The following CWC27 variants were observed in gnomAD, a reference collection of about 807,000 sequenced individuals.
The protein encoded by CWC27 is CWC27 spliceosome associated cyclophilin, also known as spliceosome-associated protein CWC27 homolog.
In CWC27, 47 loss-of-function variants were observed where a neutral mutation model predicts 63.6. The ratio of observed to expected loss-of-function variants is 0.74; its 90% CI spans 0.58 to 0.94. CWC27 has a LOEUF of 0.94. Ranked by LOEUF, CWC27 falls within the 40% of genes least tolerant of loss-of-function variation. The probability of loss-of-function intolerance (pLI) is 0.00; values close to 1 mark genes in which losing one functional copy is unlikely to be tolerated. For synonymous variants in CWC27, 175 were observed against 179.8 expected (o/e 0.97, Z 0.22); for missense variants, 495 against 554.3 (o/e 0.89, Z 1.07).
intron 10 of CWC27, among the ~76,000 whole-genome samples, chr5:64,858,276 G>A (rs1321211265): frequency 2.8e-4 from 42 of 149,614 alleles, no homozygotes; most frequent in Admixed American, 2.3e-3. Context: ...TGGCTAACAC[G>A]GTGAAACCCC....
chr5:64,970,894 A>G (rs1028478798), intron 11 of CWC27, among the ~76,000 whole-genome samples: 2 of 151,908 alleles, frequency 1.3e-5, no homozygotes, highest in East Asian at 1.9e-4. Context: ...GATTACTAGC[A>G]TTCTTGATTA....
At chr5:64,949,026 C>T (rs1370811421) in intron 11 of CWC27, among the ~76,000 whole-genome samples, 3 of 151,896 alleles carry the variant, frequency 2.0e-5, no homozygotes, top group Admixed American at 2.0e-4. Context: ...GTAGATGTGT[C>T]TAAGGGCATA....
intron 13 of CWC27, among the ~76,000 whole-genome samples, chr5:64,977,534 T>A (rs1561177060): frequency 6.6e-6 from 1 of 152,174 alleles, no homozygotes; most frequent in African/African-American, 2.4e-5. Flanking sequence ...TTTCTAATAT[T>A]GTGGAAAAGA....
intron 13 of CWC27, among the ~76,000 whole-genome samples, chr5:65,007,026 A>G (rs866055725): frequency 2.0e-5 from 3 of 148,150 alleles, no homozygotes; most frequent in Non-Finnish European, 3.0e-5. Flanking sequence ...AAGAAAGAAA[A>G]GAAAGAAAGG....
intron 10 of CWC27, among the ~76,000 whole-genome samples, chr5:64,853,851 C>T (rs928014728): frequency 6.6e-6 from 1 of 152,212 alleles, no homozygotes; most frequent in African/African-American, 2.4e-5. Context: ...AACATCCAAA[C>T]TATATCAACG....
At chr5:64,816,871 A>G (rs1444460194) in intron 10 of CWC27, among the ~76,000 whole-genome samples, 1 of 152,032 alleles carries the variant, frequency 6.6e-6, no homozygotes, top group Non-Finnish European at 1.5e-5. Context: ...CCTGGAAGAG[A>G]GTCATATCAC....
At chr5:64,960,380 T>G (rs1748885294) in intron 11 of CWC27, among the ~76,000 whole-genome samples, 1 of 152,180 alleles carries the variant, frequency 6.6e-6, no homozygotes, top group Admixed American at 6.5e-5. Flanking sequence ...GTTCATAACA[T>G]ATTTTCCTGA....
At chr5:64,913,978 G>C (rs540233818) in intron 11 of CWC27, among the ~76,000 whole-genome samples, 8 of 152,178 alleles carry the variant, frequency 5.3e-5, no homozygotes, top group African/African-American at 1.9e-4. Context: ...TTGATATGAT[G>C]ACTGACAAAT....
intron 11 of CWC27, among the ~76,000 whole-genome samples, chr5:64,891,850 A>G (rs1386158940): frequency 6.6e-6 from 1 of 151,804 alleles, no homozygotes; most frequent in Non-Finnish European, 1.5e-5. Context: ...GTTGGAGTGC[A>G]GTGGTGCGAT....
chr5:64,977,893 A>G (rs1749257166), intron 13 of CWC27, among the ~76,000 whole-genome samples: 3 of 152,076 alleles, frequency 2.0e-5, no homozygotes, highest in Admixed American at 6.5e-5. Flanking sequence ...CAGTGTATTA[A>G]GCCTCCCCAC....
intron 13 of CWC27, among the ~76,000 whole-genome samples, chr5:64,984,892 T>A (rs1465351982): frequency 6.6e-6 from 1 of 152,206 alleles, no homozygotes; most frequent in Non-Finnish European, 1.5e-5. Flanking sequence ...GATTTTTTCC[T>A]AAGTTTTCTT....
intron 13 of CWC27, among the ~76,000 whole-genome samples, chr5:64,993,521 A>T (rs1203686222): frequency 6.6e-6 from 1 of 152,092 alleles, no homozygotes; most frequent in Non-Finnish European, 1.5e-5. Flanking sequence ...CTGAATCCAG[A>T]TTACAAAATG....
At chr5:64,892,704 A>T (rs186599975) in intron 11 of CWC27, among the ~76,000 whole-genome samples, 1 of 152,248 alleles carries the variant, frequency 6.6e-6, no homozygotes, top group African/African-American at 2.4e-5. Flanking sequence ...ACAACGTGAG[A>T]TATAGAGGAT....
intron 9 of CWC27, among the ~76,000 whole-genome samples, chr5:64,803,085 C>G (rs1023941715): frequency 6.6e-6 from 1 of 152,040 alleles, no homozygotes; most frequent in East Asian, 1.9e-4. Context: ...ATTCCTACCC[C>G]AGAGATTTTG....
intron 10 of CWC27, among the ~76,000 whole-genome samples, chr5:64,817,329 C>T (rs1260966604): frequency 1.3e-5 from 2 of 152,026 alleles, no homozygotes; most frequent in African/African-American, 4.8e-5. Context: ...TCTATTCTAC[C>T]AGGGGTACTT....
chr5:64,970,958 A>AGTGT (rs57958257), intron 11 of CWC27, among the ~76,000 whole-genome samples: 5,406 of 143,428 alleles, frequency 0.038, 135 homozygotes, highest in East Asian at 0.15. Context: ...AGAGAGAGGG[A>AGTGT]GTGTGTGTGT....
At chr5:64,819,331 G>T (rs1368705) in intron 10 of CWC27, among the ~76,000 whole-genome samples, 61,060 of 151,846 alleles carry the variant, frequency 0.4, 13,589 homozygotes, top group African/African-American at 0.59. Flanking sequence ...TATTTACCTA[G>T]GTAAGAAACC....
chr5:64,773,560 T>A (rs1472098173), intron 1 of CWC27, among the ~76,000 whole-genome samples: 1 of 152,208 alleles, frequency 6.6e-6, no homozygotes, highest in Non-Finnish European at 1.5e-5. Flanking sequence ...AGCCTCATGT[T>A]TTTGAACAGT....
chr5:64,787,501 A>G (rs1166444338), intron 6 of CWC27, among the ~76,000 whole-genome samples: 2 of 151,970 alleles, frequency 1.3e-5, no homozygotes, highest in East Asian at 1.9e-4. Context: ...GCATGATTGC[A>G]TTATGCAATT....
Sources: allele counts gnomAD v4.1 joint callset (sites outside exome capture counted in the v4.1 genomes callset), GRCh38; gene constraint gnomAD v4.1.1; transcripts MANE v1.5; gene names NCBI Gene and HGNC (gene_info 2026-07-23, HGNC 2026-07-21).